The following LOC114841035 variants were observed in gnomAD, a reference collection of about 807,000 sequenced individuals.
the LOC114841035 span, among the ~76,000 whole-genome samples, chr11:64,243,001 G>A: frequency 6.6e-6 from 1 of 152,332 alleles, no homozygotes; most frequent in East Asian, 1.9e-4. Context: ...GAACCCGGGA[G>A]GCAGAGGCTG....
chr11:64,243,163 C>G, the LOC114841035 span: 3 of 1,590,096 alleles, frequency 1.9e-6, no homozygotes, highest in East Asian at 2.2e-5. Context: ...CAGGGGTGGT[C>G]CCCTCTTCCT....
the LOC114841035 span, chr11:64,242,678 T>A: frequency 9.1e-7 from 1 of 1,096,040 alleles, no homozygotes; most frequent in Non-Finnish European, 1.3e-6. Context: ...CTCTCGCCTC[T>A]AAGCCAGTTT....
At chr11:64,242,764 A>G in the LOC114841035 span, among the ~76,000 whole-genome samples, 1 of 152,188 alleles carries the variant, frequency 6.6e-6, no homozygotes, top group African/African-American at 2.4e-5. Context: ...TGAGCTGCCC[A>G]AGGCTCTGTC....
chr11:64,243,526 C>T, the LOC114841035 span: 106 of 1,612,338 alleles, frequency 6.6e-5, no homozygotes, highest in African/African-American at 3.5e-4. Flanking sequence ...GGGTGCAGAG[C>T]GAGTTTGGGG....
chr11:64,241,252 TG>T, the LOC114841035 span: 1 of 129,348 alleles, frequency 7.7e-6, no homozygotes, highest in Non-Finnish European at 1.6e-5. Flanking sequence ...ACGAGGAAAT[TG>T]GGGGTGGGGG....
At chr11:64,243,849 G>A in the LOC114841035 span, 1 of 1,614,174 alleles carries the variant, frequency 6.2e-7, no homozygotes, top group Non-Finnish European at 8.5e-7. Flanking sequence ...AGGGTATGGA[G>A]AGCGGGGAGC....
chr11:64,243,829 C>T, the LOC114841035 span: 2 of 1,614,010 alleles, frequency 1.2e-6, no homozygotes, highest in South Asian at 1.1e-5. Context: ...TTTCTTTGTG[C>T]ATCTTCAACA....
the LOC114841035 span, chr11:64,243,669 C>T: frequency 8.7e-7 from 1 of 1,150,410 alleles, no homozygotes; most frequent in Non-Finnish European, 1.3e-6. Context: ...TTGAAGCACT[C>T]AGCTGTAGTG....
chr11:64,243,288 G>A, the LOC114841035 span: 2 of 1,608,656 alleles, frequency 1.2e-6, no homozygotes, highest in Non-Finnish European at 1.7e-6. Context: ...AGGTCATCAA[G>A]GGCTGGGACC....
the LOC114841035 span, chr11:64,243,460 G>A: frequency 3.7e-6 from 6 of 1,613,928 alleles, no homozygotes; most frequent in Middle Eastern, 1.7e-4. Context: ...GGATGTGTGA[G>A]GGGGAAAAGC....
At chr11:64,243,551 G>C in the LOC114841035 span, 1 of 1,596,408 alleles carries the variant, frequency 6.3e-7, no homozygotes, top group Non-Finnish European at 8.6e-7. Flanking sequence ...TGACTGGGAA[G>C]GGTGAAAGCT....
At chr11:64,242,955 C>A in the LOC114841035 span, among the ~76,000 whole-genome samples, 1 of 152,290 alleles carries the variant, frequency 6.6e-6, no homozygotes, top group East Asian at 1.9e-4. Context: ...GCCTATAATC[C>A]CAGCTACTTG....
chr11:64,243,550 A>G, the LOC114841035 span: 1 of 1,599,888 alleles, frequency 6.3e-7, no homozygotes, highest in Non-Finnish European at 8.6e-7. Flanking sequence ...GTGACTGGGA[A>G]GGGTGAAAGC....
the LOC114841035 span, chr11:64,242,485 T>G: frequency 6.4e-7 from 1 of 1,553,118 alleles, no homozygotes; most frequent in Admixed American, 2.2e-5. Flanking sequence ...AAGCTGCAGA[T>G]CGGGGTCAAG....
chr11:64,241,490 G>A, the LOC114841035 span, among the ~76,000 whole-genome samples: 19 of 151,918 alleles, frequency 1.3e-4, no homozygotes, highest in Admixed American at 8.5e-4. Context: ...GGGGTCGGAA[G>A]CAGAGGGGGA....
chr11:64,243,659 T>C, the LOC114841035 span: 2,162 of 1,164,520 alleles, frequency 1.9e-3, 9 homozygotes, highest in Middle Eastern at 2.8e-3. Flanking sequence ...GGCAAGATCA[T>C]TGAAGCACTC....
At chr11:64,242,235 G>A in the LOC114841035 span, 11 of 732,134 alleles carry the variant, frequency 1.5e-5, no homozygotes, top group Non-Finnish European at 2.0e-5. Context: ...CCCGGAGCCC[G>A]GGGGAGAGGG....
At chr11:64,243,588 G>A in the LOC114841035 span, 50 of 1,498,062 alleles carry the variant, frequency 3.3e-5, no homozygotes, top group East Asian at 3.8e-4. Context: ...GGTCTTCACC[G>A]TATCCATTCA....
the LOC114841035 span, chr11:64,243,669 C>G: frequency 8.7e-7 from 1 of 1,150,410 alleles, no homozygotes; most frequent in African/African-American, 1.5e-5. Flanking sequence ...TTGAAGCACT[C>G]AGCTGTAGTG....
Sources: allele counts gnomAD v4.1 joint callset (sites outside exome capture counted in the v4.1 genomes callset), GRCh38; gene constraint gnomAD v4.1.1; transcripts MANE v1.5.